The following FAXC variants were observed in gnomAD, a reference collection of about 807,000 sequenced individuals.
FAXC encodes failed axon connections homolog.
In FAXC, 10 loss-of-function variants were observed where a neutral mutation model predicts 41.9. The ratio of observed to expected loss-of-function variants is 0.24; its 90% CI spans 0.15 to 0.41. FAXC has a LOEUF of 0.41. Ranked by LOEUF, FAXC falls within the 10% of genes least tolerant of loss-of-function variation. The pLI, the probability that FAXC is intolerant of heterozygous loss-of-function variation, is 1.00. For synonymous variants in FAXC, 183 were observed against 183.8 expected (o/e 1.00, Z 0.03); for missense variants, 399 against 510.9 (o/e 0.78, Z 2.11).
At position 99,273,323 on chromosome 6, in the gene FAXC, A is replaced by C. The variant is rs1399787640; in HGVS notation, c.*7841T>G. The C allele has an allele frequency of 6.6e-6, 1 of 152,084 alleles. No homozygotes were observed. Among genetic ancestry groups the C allele is most frequent in the Non-Finnish European group, 1.5e-5 (1 of 68,034 alleles). 9.4% of individuals were successfully genotyped at this position (152,084 alleles called of 1,614,324 possible). Reference sequence around the variant, plus strand: ...CATCTTCCACACATTTGAAGACACAAGATTATAAACAAATAGAAAAAAAGA... The same window carrying C: ...CATCTTCCACACATTTGAAGACACACGATTATAAACAAATAGAAAAAAAGA... On this transcript the variant is annotated 3_prime_UTR_variant, in exon 6 of 6. Coordinates refer to ENST00000389677, the MANE Select transcript of FAXC (RefSeq NM_032511.4).
At chr6:99,316,902 T>C (rs1225444314) in intron 4 of FAXC, among the ~76,000 whole-genome samples, 1 of 152,190 alleles carries the variant, frequency 6.6e-6, no homozygotes, top group Non-Finnish European at 1.5e-5. Context: ...CTTAGGAAGG[T>C]GACATGAAGC....
chr6:99,276,289 T>G lies in FAXC; in HGVS notation c.*4875A>C, dbSNP rs571694419. 3.3e-5 allele frequency: 5 copies of G among 152,324 alleles called. No individual in the cohort carries two copies. Among genetic ancestry groups the G allele is most frequent in the African/African-American group, 1.2e-4 (5 of 41,578 alleles). The allele number at this position is 152,324 out of a possible 1,614,324, so 9.4% of individuals were successfully genotyped here. A position where few individuals can be genotyped will look rare whatever the true frequency, so the allele number is the denominator to read the frequency against. The stretch of plus-strand genomic sequence containing the variant: ...AATAAATGAATACAGGAAAACCTGA[T>G]TGTGCAGACCTTTCTTCTTTAAGGA... On this transcript the variant is annotated 3_prime_UTR_variant, in exon 6 of 6. Coordinates refer to ENST00000389677, the MANE Select transcript of FAXC (RefSeq NM_032511.4).
chr6:99,300,107 T>A (rs1383434183), intron 4 of FAXC, among the ~76,000 whole-genome samples: 1 of 152,188 alleles, frequency 6.6e-6, no homozygotes, highest in Non-Finnish European at 1.5e-5. Context: ...TGGCCACCAA[T>A]ACCACCATCA....
Position 99,346,511 on chromosome 6 carries a change from C to T in FAXC, c.266+2596G>A, listed in dbSNP as rs958631619. Among the ~76,000 whole-genome samples the T allele has an allele frequency of 3.3e-5, 5 of 152,148 alleles. No individual in the cohort carries two copies. The East Asian group carries it at 7.7e-4, about 24-fold the overall frequency. On this transcript the variant is annotated intron_variant, in intron 1 of 5. Transcript: ENST00000389677. The stretch of plus-strand genomic sequence containing the variant: ...AAGCGATTCTCCTGCCTCAGCTCCC[C>T]GAGTAGCTATAGGACTACAGGCGCG...
chr6:99,319,651 G>A (rs1024345520), intron 4 of FAXC, among the ~76,000 whole-genome samples: 5 of 152,286 alleles, frequency 3.3e-5, no homozygotes, highest in African/African-American at 9.6e-5. Context: ...TAGAGCTGGG[G>A]TTTGAGTTCT....
rs929912760 is a variant in FAXC at position 99,278,843 on chromosome 6, C to T, written c.*2321G>A. ...CAACTTCATTTTCAAAGTTGGTTCT[C>T]CACATACTTGTATTCCAAGTAATAT... is the stretch of plus-strand genomic sequence containing the variant. On this transcript the variant is annotated 3_prime_UTR_variant, in exon 6 of 6. Coordinates refer to ENST00000389677, the MANE Select transcript of FAXC (RefSeq NM_032511.4). 1.3e-5 allele frequency: 2 copies of T among 152,184 alleles called. No homozygotes were observed. Among genetic ancestry groups the T allele is most frequent in the Admixed American group, 1.3e-4 (2 of 15,282 alleles). The allele number at this position is 152,184 out of a possible 1,614,324, so 9.4% of individuals were successfully genotyped here. A position where few individuals can be genotyped will look rare whatever the true frequency, so the allele number is the denominator to read the frequency against.
At position 99,323,684 on chromosome 6, in the gene FAXC, AC is replaced by A; in HGVS notation, c.600-18del. The stretch of plus-strand genomic sequence containing the variant: ...GCTAATGTCCTGGAATTGTGTGGAA[AC>A]AAGTTACTACTGTGCATCAGGTACA... On this transcript the variant is annotated intron_variant, in intron 3 of 5. Coordinates refer to ENST00000389677, the MANE Select transcript of FAXC (RefSeq NM_032511.4). The A allele has an allele frequency of 6.3e-7, 1 of 1,592,804 alleles. No homozygotes were observed. The highest frequency in any genetic ancestry group is 8.6e-7 in the Non-Finnish European group (1 of 1,161,094).
In FAXC at chr6:99,277,196, C is replaced by T. The variant is rs1770658921; in HGVS notation, c.*3968G>A. Reference sequence around the variant, plus strand: ...GGAGGAGCTATGGAGACAAGGTGAACAAAGGTGAAAACACCAGACCCTAAG... The same window carrying T: ...GGAGGAGCTATGGAGACAAGGTGAATAAAGGTGAAAACACCAGACCCTAAG... On this transcript the variant is annotated 3_prime_UTR_variant, in exon 6 of 6. Transcript: ENST00000389677. The T allele has an allele frequency of 6.6e-6, 1 of 152,276 alleles. No homozygotes were observed. Among genetic ancestry groups the T allele is most frequent in the South Asian group, 2.1e-4 (1 of 4,830 alleles). The allele number at this position is 152,276 out of a possible 1,614,324, so 9.4% of individuals were successfully genotyped here.
At chr6:99,334,721 G>A (rs1773152155) in intron 2 of FAXC, 1 of 313,240 alleles carries the variant, frequency 3.2e-6, no homozygotes, top group Admixed American at 6.5e-5. Context: ...TGCCACCAGA[G>A]GGAACTGTTT....
At chr6:99,323,242 A>G (rs1772655725) in intron 4 of FAXC, among the ~76,000 whole-genome samples, 1 of 152,210 alleles carries the variant, frequency 6.6e-6, no homozygotes, top group South Asian at 2.1e-4. Context: ...CATGCTAAAA[A>G]CAGTCAAGTA....
intron 5 of FAXC, among the ~76,000 whole-genome samples, chr6:99,290,813 C>CT (rs994241018): frequency 3.1e-4 from 45 of 144,230 alleles, no homozygotes; most frequent in East Asian, 1.2e-3. Flanking sequence ...ACTAGTTTTG[C>CT]TTTTTTTTTT....
intron 4 of FAXC, among the ~76,000 whole-genome samples, chr6:99,301,889 G>C (rs1771725620): frequency 6.6e-6 from 1 of 152,190 alleles, no homozygotes; most frequent in African/African-American, 2.4e-5. Flanking sequence ...GGGATTAATA[G>C]GATTGGGGCT....
Position 99,329,124 on chromosome 6 carries a change from G to T in FAXC, c.599+4227C>A, listed in dbSNP as rs182467392. 6.4e-3 allele frequency among the ~76,000 whole-genome samples: 975 copies of T among 152,200 alleles called. 5 individuals are homozygous for T. Among genetic ancestry groups the T allele is most frequent in the Non-Finnish European group, 0.011 (752 of 68,000 alleles). On this transcript the variant is annotated intron_variant, in intron 3 of 5. Transcript: ENST00000389677. Reference sequence around the variant, plus strand: ...ATCATTAACTGAAGAGGACAGAGAGGGTCAATTTGGAAAGCTGACAAGGCT... The same window carrying T: ...ATCATTAACTGAAGAGGACAGAGAGTGTCAATTTGGAAAGCTGACAAGGCT...
In FAXC at chr6:99,272,146, ATGTGTGTG is replaced by A. The variant is rs10527054; in HGVS notation, c.*9010_*9017del. The A allele has an allele frequency of 0.097, 13,977 of 143,944 alleles. 683 individuals are homozygous for A. The highest frequency in any genetic ancestry group is 0.13 in the South Asian group (538 of 4,244). 8.9% of individuals were successfully genotyped at this position (143,944 alleles called of 1,614,324 possible). A position where few individuals can be genotyped will look rare whatever the true frequency, so the allele number is the denominator to read the frequency against. On this transcript the variant is annotated 3_prime_UTR_variant, in exon 6 of 6. Transcript: ENST00000389677. ...AGGTATGAAAACTAATTGAGACTAT[ATGTGTGTG>A]TGTGTGTGTGTGTGTGTGTGTGTGT...
At chr6:99,339,953 C>G (rs1169069651) in intron 2 of FAXC, among the ~76,000 whole-genome samples, 1 of 151,912 alleles carries the variant, frequency 6.6e-6, no homozygotes, top group Non-Finnish European at 1.5e-5. Flanking sequence ...AGATGAAAGA[C>G]CTCAGATAAT....
intron 4 of FAXC, among the ~76,000 whole-genome samples, chr6:99,310,808 C>T (rs917624387): frequency 3.3e-5 from 5 of 152,304 alleles, no homozygotes; most frequent in South Asian, 4.1e-4. Flanking sequence ...GTTCTGAAGG[C>T]TTTTCCCATT....
intron 4 of FAXC, among the ~76,000 whole-genome samples, chr6:99,293,714 C>CTGTG (rs72463794): frequency 4.7e-5 from 3 of 64,106 alleles, no homozygotes; most frequent in Non-Finnish European, 9.9e-5. Flanking sequence ...GTGTGTGTGT[C>CTGTG]TGTGTGTGTG....
rs1425905267 is a variant in FAXC, at chr6:99,344,398, C to T, written c.267-1365G>A. Among the ~76,000 whole-genome samples the T allele has an allele frequency of 3.3e-5, 5 of 152,270 alleles. No homozygotes were observed. In the East Asian group the frequency reaches 9.7e-4, roughly 29 times the overall value. On this transcript the variant is annotated intron_variant, in intron 1 of 5. Transcript: ENST00000389677. ...CCTGCCTGAGCCTCTGGTTCCCTCG[C>T]ATTGTTCCCAGTACAACACCACACC... is the stretch of plus-strand genomic sequence containing the variant.
chr6:99,316,812 A>T (rs1428106342), intron 4 of FAXC, among the ~76,000 whole-genome samples: 1 of 152,246 alleles, frequency 6.6e-6, no homozygotes, highest in East Asian at 1.9e-4. Context: ...TATACTTGGA[A>T]AACAAAGTTG....
Sources: allele counts gnomAD v4.1 joint callset (sites outside exome capture counted in the v4.1 genomes callset), GRCh38; gene constraint gnomAD v4.1.1; transcripts MANE v1.5; gene names NCBI Gene and HGNC (gene_info 2026-07-23, HGNC 2026-07-21).